SHH: variants seen among roughly 807,000 people sequenced by gnomAD.
The protein encoded by SHH is sonic hedgehog protein.
In SHH, 3 loss-of-function variants were observed where a neutral mutation model predicts 16.6. The ratio of observed to expected loss-of-function variants is 0.18; its 90% CI spans 0.08 to 0.47. The LOEUF is 0.47. Among genes scored for constraint, SHH ranks in the 20% least tolerant of loss-of-function variants. The pLI, the probability that SHH is intolerant of heterozygous loss-of-function variation, is 0.98. For synonymous variants in SHH, 351 were observed against 316.2 expected (o/e 1.11, Z -1.17); for missense variants, 499 against 665.0 (o/e 0.75, Z 2.75).
Position 155,812,061 on chromosome 7 carries a change from C to T in SHH, c.62G>A (p.Gly21Glu), listed in dbSNP as rs752787084. The change falls in exon 1 of 3, where the codon GGA becomes GAA. Residue 21 changes from glycine to glutamate, a missense_variant. This residue lies in a region of SHH where 75 missense variants were observed against 115.0 expected (regional missense o/e 0.65). Coordinates refer to ENST00000297261, the MANE Select transcript of SHH (RefSeq NM_000193.4). ...CCCCCTGCCCGGTCCGCACGCCAGT[C>T]CCGAGCATACCAGCAGCGAGGAGAC... ...VLVSSLLVCS[G>E]LACGPGRGFG... The T allele has an allele frequency of 6.2e-7, 1 of 1,614,220 alleles. No individual in the cohort carries two copies. Among genetic ancestry groups the T allele is most frequent in the Admixed American group, 1.7e-5 (1 of 60,036 alleles).
intron 2 of SHH, among the ~76,000 whole-genome samples, chr7:155,805,782 C>G (rs1025950519): frequency 1.3e-5 from 2 of 152,224 alleles, no homozygotes; most frequent in African/African-American, 4.8e-5. Context: ...CCTGGGTTTA[C>G]TGCCGCCCAC....
intron 2 of SHH, 68 bp from the exon 3 acceptor site, chr7:155,803,794 G>C (rs1248806702): frequency 7.2e-7 from 1 of 1,385,958 alleles, no homozygotes; most frequent in African/African-American, 1.4e-5. Context: ...GCGCGTCTCG[G>C]GGAGGAGGGC....
chr7:155,804,447 A>G (rs1394763882), intron 2 of SHH, among the ~76,000 whole-genome samples: 1 of 152,206 alleles, frequency 6.6e-6, no homozygotes, highest in African/African-American at 2.4e-5. Context: ...TTTCTGGGAT[A>G]AACAGGAGAC....
In SHH at chr7:155,803,714, G is replaced by A. The variant is rs1803268743; in HGVS notation, c.575C>T (p.Ala192Val). 1 of 1,597,152 alleles carries A rather than the reference G, an allele frequency of 6.3e-7. No individual in the cohort carries two copies. The highest frequency in any genetic ancestry group is 8.5e-7 in the Non-Finnish European group (1 of 1,179,152). ...HCSVKAENSV[A>V]AKSGGCFPGS... ...CGGGAAGCAGCCTCCCGATTTGGCC[G>A]CCACCGAGTTCTCTGCGGGTGAGGA... The change falls in exon 3 of 3, where the codon GCG (alanine) becomes GTG (valine). Residue 192 changes from alanine (A) to valine (V), a missense_variant. By Grantham distance (64) the Ala-to-Val change is moderately conservative. Coordinates refer to ENST00000297261, the MANE Select transcript of SHH (RefSeq NM_000193.4).
In SHH at chr7:155,806,513, G is replaced by A. The variant is rs267607047; in HGVS notation, c.345C>T (p.Asn115=). The A allele has an allele frequency of 6.2e-7, 1 of 1,612,422 alleles. No homozygotes were observed. The highest frequency in any genetic ancestry group is 1.3e-5 in the African/African-American group (1 of 74,928). The change falls in exon 2 of 3, where the codon AAC becomes AAT. Residue 115 remains asparagine, a synonymous_variant. Transcript: ENST00000297261. The stretch of plus-strand genomic sequence containing the variant: ...CCCGCAGTTTCACTCCTGGCCACTG[G>A]TTCATCACCGAGATGGCCAAAGCGT... ...KLNALAISVM[N]QWPGVKLRVT...
chr7:155,803,174 C>G lies in SHH; in HGVS notation c.1115G>C (p.Trp372Ser). The G allele has an allele frequency of 6.8e-7, 1 of 1,467,034 alleles. No homozygotes were observed. Among genetic ancestry groups the G allele is most frequent in the Non-Finnish European group, 9.0e-7 (1 of 1,110,020 alleles). The allele number at this position is 1,467,034 out of a possible 1,614,324, so 90.9% of individuals were successfully genotyped here. ...GAAGGGCGCGAAGGCCCGGTGCGCCCAGCTGTGCTCCTCGATGACCGCGTA... is the reference window on the plus strand; with the variant it reads ...GAAGGGCGCGAAGGCCCGGTGCGCCGAGCTGTGCTCCTCGATGACCGCGTA... ...SCYAVIEEHSWAHRAFAPFRL... is the reference protein window; with the variant it reads ...SCYAVIEEHSSAHRAFAPFRL... Residue 372 changes from tryptophan (W) to serine (S), a missense_variant, in exon 3 of 3, where the codon TGG (tryptophan) becomes TCG (serine). Transcript: ENST00000297261.
rs2117146800 is a variant in SHH, at chr7:155,809,455, C to A, written c.300+2368G>T. 6.6e-6 allele frequency among the ~76,000 whole-genome samples: 1 copy of A among 152,224 alleles called. No individual in the cohort carries two copies. The highest frequency in any genetic ancestry group is 2.4e-5 in the African/African-American group (1 of 41,562). ...CCCCTGCCCTCAGCACCCGAGCCTC[C>A]GCCTTCCCCATCCCTTCCTCCCCCA... On this transcript the variant is annotated intron_variant, in intron 1 of 2. Coordinates refer to ENST00000297261, the MANE Select transcript of SHH (RefSeq NM_000193.4). The surrounding 1 kb of genome is among the most constrained non-coding windows in gnomAD (Gnocchi z 6.1).
rs1175888893 is a variant in SHH at position 155,801,865 on chromosome 7, A to G, written c.*1035T>C. On this transcript the variant is annotated 3_prime_UTR_variant, in exon 3 of 3. Transcript: ENST00000297261. The stretch of plus-strand genomic sequence containing the variant: ...AAGCGTTCTGTGCATGGCACATTTT[A>G]TTTCTATAAAACTATTACAAAATAT... 2 of 152,246 alleles carry G rather than the reference A, an allele frequency of 1.3e-5. No individual in the cohort carries two copies. The highest frequency in any genetic ancestry group is 2.9e-5 in the Non-Finnish European group (2 of 68,028). The allele number at this position is 152,246 out of a possible 1,614,324, so 9.4% of individuals were successfully genotyped here.
chr7:155,808,718 AGCCCGAC>A (rs1178322354), intron 1 of SHH, among the ~76,000 whole-genome samples: 1 of 152,172 alleles, frequency 6.6e-6, no homozygotes, highest in East Asian at 1.9e-4. Context: ...CCGCGAATCA[AGCCCGAC>A]TCTGTGCAGC....
In SHH at chr7:155,803,508, G is replaced by C; in HGVS notation, c.781C>G (p.Arg261Gly). 1 of 1,577,944 alleles carries C rather than the reference G, an allele frequency of 6.3e-7. No individual in the cohort carries two copies. The highest frequency in any genetic ancestry group is 8.6e-7 in the Non-Finnish European group (1 of 1,167,132). ...GCGGCGGTGAGCAGCAGGCGCTCGC[G>C]CGGCTCCCGCGTCTCGATCACGTAG... ...VFYVIETREP[R>G]ERLLLTAAHL... Residue 261 changes from arginine to glycine, a missense_variant, in exon 3 of 3, where the codon CGC becomes GGC. Arg to Gly is a moderately radical substitution (Grantham distance 125). This residue lies in a region of SHH where 114 missense variants were observed against 200.4 expected (regional missense o/e 0.57). Transcript: ENST00000297261.
intron 2 of SHH, among the ~76,000 whole-genome samples, chr7:155,805,278 C>A (rs998834772): frequency 6.6e-6 from 1 of 151,616 alleles, no homozygotes; most frequent in Non-Finnish European, 1.5e-5. Context: ...TGCCTGCAGC[C>A]GGGAGCTCTC....
chr7:155,800,337 ACT>A lies in SHH; in HGVS notation c.*2561_*2562del, dbSNP rs1362861869. ...GGGGACAGCACCCAGCAGCACGGAC[ACT>A]CTGCCACCGGGCCTGTCCAGGAGGG... On this transcript the variant is annotated 3_prime_UTR_variant, in exon 3 of 3. Transcript: ENST00000297261. 2 of 419,086 alleles carry A rather than the reference ACT, an allele frequency of 4.8e-6. No homozygotes were observed. The highest frequency in any genetic ancestry group is 4.1e-5 in the African/African-American group (2 of 48,896). 26.0% of individuals were successfully genotyped at this position (419,086 alleles called of 1,614,324 possible).
In SHH at chr7:155,812,017, G is replaced by T. The variant is rs1347345641; in HGVS notation, c.106C>A (p.Pro36Thr). 2 of 1,614,006 alleles carry T rather than the reference G, an allele frequency of 1.2e-6. No homozygotes were observed. Among genetic ancestry groups the T allele is most frequent in the Admixed American group, 3.3e-5 (2 of 60,004 alleles). ...TAGGCTAAAGGGGTCAGCTTTTTGGGGTGCCTCCTCTTCCCGAACCCCCTG... is the reference window on the plus strand; with the variant it reads ...TAGGCTAAAGGGGTCAGCTTTTTGGTGTGCCTCCTCTTCCCGAACCCCCTG... ...PGRGFGKRRH[P>T]KKLTPLAYKQ... Residue 36 changes from proline (P) to threonine (T), a missense_variant, in exon 1 of 3, where the codon CCC becomes ACC. Transcript: ENST00000297261.
intron 2 of SHH, among the ~76,000 whole-genome samples, chr7:155,804,156 C>G (rs1411093882): frequency 6.6e-6 from 1 of 151,540 alleles, no homozygotes; most frequent in Non-Finnish European, 1.5e-5. Context: ...ACCCTCCTTC[C>G]CTCCCGCCCC....
chr7:155,805,290 G>C (rs953141198), intron 2 of SHH, among the ~76,000 whole-genome samples: 1 of 151,920 alleles, frequency 6.6e-6, no homozygotes, highest in East Asian at 1.9e-4. Flanking sequence ...GGAGCTCTCC[G>C]GGCCGCACAC....
At chr7:155,806,207 TC>T in intron 2 of SHH, 88 bp downstream of exon 2, 3 of 1,534,674 alleles carry the variant, frequency 2.0e-6, no homozygotes, top group Non-Finnish European at 2.7e-6. Context: ...GCCCTCAGCC[TC>T]CCCCCAGGTT....
chr7:155,805,877 C>A (rs915184649), intron 2 of SHH, among the ~76,000 whole-genome samples: 5 of 152,238 alleles, frequency 3.3e-5, no homozygotes, highest in Non-Finnish European at 7.3e-5. Flanking sequence ...AGGATAGACA[C>A]CCCTGCGCTT....
chr7:155,809,997 G>C lies in SHH; in HGVS notation c.300+1826C>G, dbSNP rs956007261. Among the ~76,000 whole-genome samples the C allele has an allele frequency of 6.6e-6, 1 of 150,872 alleles. No individual in the cohort carries two copies. The highest frequency in any genetic ancestry group is 1.5e-5 in the Non-Finnish European group (1 of 67,638). On this transcript the variant is annotated intron_variant, in intron 1 of 2. Transcript: ENST00000297261. This position sits in a 1 kb window ranked among gnomAD's most constrained non-coding sequence, Gnocchi z 6.1. Reference sequence around the variant, plus strand: ...CCCCCATCTCCGCGCCCCCGCCGCCGGGGACACTACAGCGAGCCCGGCGCT... The same window carrying C: ...CCCCCATCTCCGCGCCCCCGCCGCCCGGGACACTACAGCGAGCCCGGCGCT...
chr7:155,806,781 C>T (rs1161237445), intron 1 of SHH: 3 of 653,490 alleles, frequency 4.6e-6, no homozygotes, highest in Non-Finnish European at 8.4e-6. Context: ...CACGTCCTCT[C>T]AGGGTAGAGC....
Sources: allele counts gnomAD v4.1 joint callset (sites outside exome capture counted in the v4.1 genomes callset), GRCh38; gene constraint gnomAD v4.1.1; regional missense constraint gnomAD v4.1.1; non-coding constraint Gnocchi (gnomAD v3.1); transcripts MANE v1.5; gene names NCBI Gene and HGNC (gene_info 2026-07-23, HGNC 2026-07-21).